Variants in MED12L observed in about 807,000 individuals in gnomAD.
MED12L encodes mediator of RNA polymerase II transcription subunit 12-like protein.
Under a neutral mutation model 281.3 loss-of-function variants are expected in MED12L, and 60 were observed. The observed-to-expected ratio is 0.21, with a 90% CI of 0.17 to 0.26. The LOEUF is 0.26. Ranked by LOEUF, MED12L falls within the 10% of genes least tolerant of loss-of-function variation. The pLI is 1.00. For synonymous variants in MED12L, 974 were observed against 987.2 expected, an observed-to-expected ratio of 0.99 and a Z score of 0.25; for missense variants, 2,146 against 2,680.9, an observed-to-expected ratio of 0.80 and a Z score of 4.41.
intron 38 of MED12L, among the ~76,000 whole-genome samples, chr3:151,391,671 C>T (rs145697591): frequency 1.8e-4 from 27 of 152,274 alleles, no homozygotes; most frequent in Admixed American, 7.8e-4. Context: ...CATCTTGGGC[C>T]GCATGCAGCA....
intron 5 of MED12L, among the ~76,000 whole-genome samples, chr3:151,146,145 A>T (rs1717726971): frequency 6.6e-6 from 1 of 152,154 alleles, no homozygotes. Context: ...AGACCTCTGG[A>T]GTTGAAATCC....
chr3:151,224,229 A>C (rs1730015608), intron 16 of MED12L, among the ~76,000 whole-genome samples: 1 of 152,178 alleles, frequency 6.6e-6, no homozygotes, highest in Non-Finnish European at 1.5e-5. Flanking sequence ...TTATAAAGGT[A>C]CAACTTTTAT....
chr3:151,168,333 A>G (rs1002506256), intron 11 of MED12L, among the ~76,000 whole-genome samples: 2 of 152,192 alleles, frequency 1.3e-5, no homozygotes, highest in Admixed American at 6.5e-5. Flanking sequence ...TAGAAGTTAT[A>G]AATAAGTGTG....
chr3:151,402,155 A>G (rs2108300590), intron 39 of MED12L, among the ~76,000 whole-genome samples: 1 of 152,362 alleles, frequency 6.6e-6, no homozygotes, highest in Non-Finnish European at 1.5e-5. Flanking sequence ...AATCCTCAGT[A>G]TAGTAAAATG....
intron 16 of MED12L, among the ~76,000 whole-genome samples, chr3:151,282,756 A>G (rs1027907009): frequency 1.3e-5 from 2 of 152,200 alleles, no homozygotes; most frequent in Non-Finnish European, 1.5e-5. Flanking sequence ...GGGATCCAAA[A>G]TGTCACGCTC....
chr3:151,359,261 T>C (rs2150070000), intron 20 of MED12L, among the ~76,000 whole-genome samples: 1 of 152,314 alleles, frequency 6.6e-6, no homozygotes, highest in Non-Finnish European at 1.5e-5. Flanking sequence ...CATGATTTTG[T>C]TCTTTTTTAT....
At chr3:151,171,401 G>A (rs890899459) in intron 11 of MED12L, among the ~76,000 whole-genome samples, 1 of 152,168 alleles carries the variant, frequency 6.6e-6, no homozygotes, top group Non-Finnish European at 1.5e-5. Flanking sequence ...CAAGGACATG[G>A]ATAGAAGGGA....
chr3:151,435,424 T>TCAGA lies in MED12L; in HGVS notation c.*2623_*2626dup, dbSNP rs1019670243. 1.2e-4 allele frequency: 18 copies of TCAGA among 152,254 alleles called. No homozygotes were observed. The highest frequency in any genetic ancestry group is 1.1e-3 in the Admixed American group (17 of 15,290). 9.4% of individuals were successfully genotyped at this position (152,254 alleles called of 1,614,324 possible). ...CACTTCCAGCCACAGGGTACTAACA[T>TCAGA]CAGACATAAGTTGCAACCAGGTCAC... On this transcript the variant is annotated 3_prime_UTR_variant, in exon 45 of 45. Coordinates refer to ENST00000687756, the MANE Select transcript of MED12L (RefSeq NM_001393769.1).
Position 151,369,692 on chromosome 3 carries a change from C to T in MED12L, c.3664+143C>T, listed in dbSNP as rs922356674. 3.0e-5 allele frequency: 16 copies of T among 534,404 alleles called. 1 individual carries two copies. In the Middle Eastern group the frequency reaches 2.4e-3, roughly 81 times the overall value. 33.1% of individuals were successfully genotyped at this position (534,404 alleles called of 1,614,324 possible). A position where few individuals can be genotyped will look rare whatever the true frequency, so the allele number is the denominator to read the frequency against. On this transcript the variant is annotated intron_variant, in intron 26 of 44. Transcript: ENST00000687756. ...ATTCTCCTGGAAAAATTAGTGGTTT[C>T]TCCTAGACCAAATACATCAGACTCT...
chr3:151,244,872 C>G (rs1488142571), intron 16 of MED12L, among the ~76,000 whole-genome samples: 1 of 151,688 alleles, frequency 6.6e-6, no homozygotes, highest in African/African-American at 2.4e-5. Context: ...AGACCGCTAG[C>G]AAGACTAATA....
chr3:151,193,443 T>C (rs1247426324), intron 15 of MED12L, 47 bp from the exon 16 acceptor site: 2 of 1,537,398 alleles, frequency 1.3e-6, no homozygotes, highest in African/African-American at 2.7e-5. Context: ...GGTTTGGTTT[T>C]GCTGGCTTTC....
chr3:151,382,993 A>G (rs1250318953), intron 33 of MED12L, among the ~76,000 whole-genome samples: 1 of 152,144 alleles, frequency 6.6e-6, no homozygotes, highest in Non-Finnish European at 1.5e-5. Flanking sequence ...CCTCTACCCC[A>G]GTGAATCTCT....
intron 5 of MED12L, among the ~76,000 whole-genome samples, chr3:151,137,806 T>A (rs1270980605): frequency 1.4e-5 from 2 of 147,922 alleles, no homozygotes; most frequent in Non-Finnish European, 3.0e-5. Context: ...GTATGTGAAA[T>A]TTTTTTTTTT....
At chr3:151,214,029 G>T in intron 16 of MED12L, 1 of 1,614,116 alleles carries the variant, frequency 6.2e-7, no homozygotes, top group Non-Finnish European at 8.5e-7. Flanking sequence ...GCACGGCAGA[G>T]ACCCTGCACA....
intron 16 of MED12L, among the ~76,000 whole-genome samples, chr3:151,348,825 G>A (rs1023830040): frequency 6.6e-6 from 1 of 152,172 alleles, no homozygotes; most frequent in Non-Finnish European, 1.5e-5. Context: ...GAAGCAATAT[G>A]CTACTTTGTG....
intron 16 of MED12L, among the ~76,000 whole-genome samples, chr3:151,197,619 T>C (rs1227653035): frequency 6.6e-6 from 1 of 152,228 alleles, no homozygotes; most frequent in African/African-American, 2.4e-5. Flanking sequence ...TTACCATTGA[T>C]GTGCTATCGA....
At chr3:151,169,401 A>C (rs752608713) in intron 11 of MED12L, among the ~76,000 whole-genome samples, 14 of 152,096 alleles carry the variant, frequency 9.2e-5, no homozygotes, top group African/African-American at 3.4e-4. Context: ...GATTACAGGC[A>C]TGAGCCACCG....
At chr3:151,367,842 G>C in intron 24 of MED12L, 76 bp downstream of exon 24, 3 of 1,492,924 alleles carry the variant, frequency 2.0e-6, no homozygotes, top group Non-Finnish European at 1.8e-6. Flanking sequence ...TTACAACACA[G>C]GGAAAGGAGT....
intron 43 of MED12L, among the ~76,000 whole-genome samples, chr3:151,422,721 G>C (rs868254352): frequency 1.3e-5 from 2 of 151,440 alleles, no homozygotes; most frequent in South Asian, 2.1e-4. Context: ...TAATTCAACC[G>C]AAATAATAAC....
Sources: gnomAD v4.1 joint callset for allele counts (sites outside exome capture counted in the v4.1 genomes callset) on GRCh38, gnomAD v4.1.1 for gene constraint, MANE v1.5 for transcripts, NCBI Gene and HGNC (gene_info 2026-07-23, HGNC 2026-07-21) for gene names.